PCDHGA1: variants seen among roughly 807,000 people sequenced by gnomAD.
The protein encoded by PCDHGA1 is protocadherin gamma subfamily A, 1.
PCDHGA1 carries 32 observed loss-of-function variants against 58.0 expected under a neutral mutation model. The ratio of observed to expected loss-of-function variants is 0.55; its 90% confidence interval spans 0.42 to 0.74. The LOEUF is 0.74. PCDHGA1 is among the 30% of genes least tolerant of loss of function. The probability of loss-of-function intolerance (pLI) is 0.00; values close to 1 mark genes in which losing one functional copy is unlikely to be tolerated. For synonymous variants in PCDHGA1, 498 were observed against 501.1 expected (o/e 0.99, Z 0.08); for missense variants, 1,205 against 1,182.3 (o/e 1.02, Z -0.28).
chr5:141,448,756 C>T (rs938202200), intron 1 of PCDHGA1, among the ~76,000 whole-genome samples: 1 of 151,742 alleles, frequency 6.6e-6, no homozygotes, highest in African/African-American at 2.4e-5. Context: ...CTGGCTAACA[C>T]GGTGAAACCC....
chr5:141,422,382 T>C (rs1390444026), intron 1 of PCDHGA1: 5 of 1,585,154 alleles, frequency 3.2e-6, no homozygotes, highest in Admixed American at 1.8e-5. Context: ...AAGTCTCCTG[T>C]TTTATTCCTA....
intron 1 of PCDHGA1, chr5:141,375,729 G>A: frequency 1.9e-6 from 3 of 1,614,264 alleles, no homozygotes; most frequent in Non-Finnish European, 2.5e-6. Flanking sequence ...GTGTCACTGA[G>A]CCTGTTTGTG....
rs746769707 is a variant in PCDHGA1, at chr5:141,344,065, G to A, written c.2421+10960G>A. On this transcript the variant is annotated intron_variant, in intron 1 of 3. Coordinates refer to ENST00000517417, the MANE Select transcript of PCDHGA1 (RefSeq NM_018912.3). ...AATTGCCTGAGTTTCCGAAATGGCA[G>A]AGGACTGGCCCTGCTGTGCGCGCTC... 1.9e-6 allele frequency: 3 copies of A among 1,574,054 alleles called. No individual in the cohort carries two copies. The East Asian group carries it at 6.8e-5, about 36-fold the overall frequency.
chr5:141,359,782 C>A (rs1040736490), intron 1 of PCDHGA1, among the ~76,000 whole-genome samples: 1 of 152,116 alleles, frequency 6.6e-6, no homozygotes, highest in Non-Finnish European at 1.5e-5. Context: ...AGAACCTATG[C>A]TGAATGCATC....
At chr5:141,338,770 T>TA (rs1009139235) in intron 1 of PCDHGA1, 54 of 1,279,032 alleles carry the variant, frequency 4.2e-5, no homozygotes, top group Admixed American at 1.5e-4. Flanking sequence ...AATCCAGCAA[T>TA]ACGGCTCCCA....
rs1367772661 is a variant in PCDHGA1, at chr5:141,512,193, GGAAGCTC to G, written c.*1026_*1032del. 2.0e-5 allele frequency: 3 copies of G among 152,756 alleles called. No homozygotes were observed. Among genetic ancestry groups the G allele is most frequent in the Non-Finnish European group, 4.4e-5 (3 of 68,136 alleles). 9.5% of individuals were successfully genotyped at this position (152,756 alleles called of 1,614,324 possible). ...GGATTAAACTGGCATTTCAGTCCAAGGAAGCTCGAAGCAGGTTTAGGACCAGGTCCCC... is the reference window on the plus strand; with the variant it reads ...GGATTAAACTGGCATTTCAGTCCAAGGAAGCAGGTTTAGGACCAGGTCCCC... On this transcript the variant is annotated 3_prime_UTR_variant, in exon 4 of 4. Coordinates refer to ENST00000517417, the MANE Select transcript of PCDHGA1 (RefSeq NM_018912.3).
intron 1 of PCDHGA1, chr5:141,343,241 T>C (rs1757270172): frequency 1.1e-6 from 1 of 912,044 alleles, no homozygotes; most frequent in South Asian, 5.1e-5. Flanking sequence ...TAACAACAAA[T>C]ATCGAAACTA....
intron 1 of PCDHGA1, chr5:141,360,310 C>A (rs976415127): frequency 1.6e-5 from 26 of 1,613,804 alleles, no homozygotes; most frequent in Non-Finnish European, 2.1e-5. Context: ...GCTCAGCGTC[C>A]GGGACTTGCC....
At chr5:141,464,657 T>G (rs575409062) in intron 1 of PCDHGA1, among the ~76,000 whole-genome samples, 1 of 152,312 alleles carries the variant, frequency 6.6e-6, no homozygotes, top group South Asian at 2.1e-4. Context: ...GGTAAAAAGA[T>G]ATCTCCAAAT....
intron 1 of PCDHGA1, chr5:141,344,545 A>G (rs1561488097): frequency 8.1e-6 from 13 of 1,613,916 alleles, no homozygotes; most frequent in Non-Finnish European, 1.1e-5. Flanking sequence ...CAGAACTACA[A>G]GCTTAGCCCC....
intron 1 of PCDHGA1, chr5:141,378,164 A>G (rs772489747): frequency 6.6e-6 from 1 of 152,258 alleles, no homozygotes; most frequent in African/African-American, 2.4e-5. Context: ...GTTGTTAACA[A>G]TAACTAAGCA....
intron 1 of PCDHGA1, among the ~76,000 whole-genome samples, chr5:141,470,528 G>A (rs1446688992): frequency 6.6e-6 from 1 of 152,140 alleles, no homozygotes; most frequent in East Asian, 1.9e-4. Context: ...ATTAAAATAT[G>A]TATCAGGTAA....
intron 1 of PCDHGA1, chr5:141,478,873 T>C: frequency 7.8e-7 from 1 of 1,274,424 alleles, no homozygotes; most frequent in African/African-American, 1.5e-5. Context: ...GATCAGAGTT[T>C]AGCTTGGTAT....
intron 1 of PCDHGA1, chr5:141,392,975 GGA>G: frequency 6.2e-7 from 1 of 1,613,862 alleles, no homozygotes; most frequent in Non-Finnish European, 8.5e-7. Context: ...ACCTGGGGCT[GGA>G]CCCCCGGAAG....
At chr5:141,338,811 A>C in intron 1 of PCDHGA1, 1 of 1,374,678 alleles carries the variant, frequency 7.3e-7, no homozygotes. Flanking sequence ...TTGGCCCTAA[A>C]GCTTCAGGAC....
chr5:141,332,665 A>T lies in PCDHGA1; in HGVS notation c.1981A>T (p.Thr661Ser), dbSNP rs746639043. 4.3e-6 allele frequency: 7 copies of T among 1,613,232 alleles called. No homozygotes were observed. In the African/African-American group the frequency reaches 8.0e-5, roughly 18 times the overall value. Residue 661 changes from threonine (T) to serine (S), a missense_variant, in exon 1 of 4, where the codon ACC (threonine) becomes TCC (serine). Thr to Ser is a moderately conservative substitution (Grantham distance 58, BLOSUM62 1). Transcript: ENST00000517417. This position sits in a 1 kb window ranked among gnomAD's most constrained non-coding sequence, Gnocchi z 4.6. ...CCCGCTCTCCGCCACTGTCACGCTCACCGTGGCCGTGGCCGACAGGATCTC... is the reference window on the plus strand; with the variant it reads ...CCCGCTCTCCGCCACTGTCACGCTCTCCGTGGCCGTGGCCGACAGGATCTC... Reference protein sequence around the residue: ...QPPLSATVTLTVAVADRISDI... With the variant: ...QPPLSATVTLSVAVADRISDI...
chr5:141,415,443 C>T, intron 1 of PCDHGA1: 1 of 1,614,196 alleles, frequency 6.2e-7, no homozygotes, highest in Non-Finnish European at 8.5e-7. Context: ...TCCTGCAGAC[C>T]TATTCCCACG....
At chr5:141,467,208 A>G (rs1272958649) in intron 1 of PCDHGA1, among the ~76,000 whole-genome samples, 1 of 152,064 alleles carries the variant, frequency 6.6e-6, no homozygotes, top group East Asian at 1.9e-4. Flanking sequence ...ACATGCCACC[A>G]TGCCTGGCTA....
chr5:141,486,673 A>G lies in PCDHGA1; in HGVS notation c.2422-8134A>G. On this transcript the variant is annotated intron_variant, in intron 1 of 3. Transcript: ENST00000517417. The surrounding 1 kb of genome is among the most constrained non-coding windows in gnomAD (Gnocchi z 5.0). ...ACTCACTCCTGGAGCCCAGGAATCG[A>G]GATGTATCAGCTTCCTCTTTCATCT... The G allele has an allele frequency of 6.2e-7, 1 of 1,614,014 alleles. No homozygotes were observed. The highest frequency in any genetic ancestry group is 2.2e-5 in the East Asian group (1 of 44,866).
Sources: allele counts gnomAD v4.1 joint callset (sites outside exome capture counted in the v4.1 genomes callset), GRCh38; gene constraint gnomAD v4.1.1; non-coding constraint Gnocchi (gnomAD v3.1); transcripts MANE v1.5; gene names NCBI Gene and HGNC (gene_info 2026-07-23, HGNC 2026-07-21).